The following WIPI2 variants were observed in gnomAD, a reference collection of about 807,000 sequenced individuals.
WIPI2 encodes the protein WD repeat domain, phosphoinositide interacting 2.
A neutral mutation model predicts 52.3 loss-of-function variants in WIPI2; 28 were observed. That is an observed-to-expected ratio of 0.54 (90% CI 0.40 to 0.73). WIPI2 has a LOEUF of 0.73. Among genes scored for constraint, WIPI2 ranks in the 30% least tolerant of loss-of-function variants. WIPI2 has a pLI of 0.00. For missense variants in WIPI2, 506 were observed against 602.9 expected (o/e 0.84, Z 1.68); for synonymous variants, 268 against 245.0 (o/e 1.09, Z -0.88).
chr7:5,199,373 T>C (rs1391046821), intron 2 of WIPI2, among the ~76,000 whole-genome samples: 7 of 152,192 alleles, frequency 4.6e-5, no homozygotes, highest in Admixed American at 2.6e-4. Context: ...TAAGTAATAA[T>C]ATTGTCTGTA....
chr7:5,222,663 G>T lies in WIPI2; in HGVS notation c.731G>T (p.Gly244Val). Residue 244 changes from glycine to valine, a missense_variant, in exon 8 of 13, where the codon GGA (glycine) becomes GTA (valine). Coordinates refer to ENST00000288828, the MANE Select transcript of WIPI2 (RefSeq NM_015610.4). Reference sequence around the variant, plus strand: ...CAAAAACTCTTTGAGTTTCGGAGAGGAGTAAAGAGGTAAAGTACGTGAATG... The same window carrying T: ...CAAAAACTCTTTGAGTTTCGGAGAGTAGTAAAGAGGTAAAGTACGTGAATG... Reference protein sequence around the residue: ...EGQKLFEFRRGVKRCVSICSL... With the variant: ...EGQKLFEFRRVVKRCVSICSL... 1 of 1,613,936 alleles carries T rather than the reference G, an allele frequency of 6.2e-7. No homozygotes were observed. Among genetic ancestry groups the T allele is most frequent in the Non-Finnish European group, 8.5e-7 (1 of 1,179,860 alleles).
intron 1 of WIPI2, 136 bp downstream of exon 1, chr7:5,190,629 A>C: frequency 1.1e-6 from 1 of 877,742 alleles, no homozygotes; most frequent in Non-Finnish European, 1.5e-6. Flanking sequence ...AGGCGTCCCC[A>C]GGGGCGGGCC....
chr7:5,223,099 G>A (rs1186827803), intron 8 of WIPI2, among the ~76,000 whole-genome samples: 2 of 152,176 alleles, frequency 1.3e-5, no homozygotes, highest in East Asian at 1.9e-4. Flanking sequence ...CCCAGAAGCC[G>A]CAGCCTGGAG....
chr7:5,199,127 C>A (rs914986883), intron 2 of WIPI2, among the ~76,000 whole-genome samples: 13 of 152,156 alleles, frequency 8.5e-5, no homozygotes, highest in Admixed American at 7.2e-4. Context: ...GTCCTGGGCT[C>A]AAGCAATCCT....
intron 3 of WIPI2, among the ~76,000 whole-genome samples, chr7:5,201,661 A>G (rs1332378417): frequency 6.6e-6 from 1 of 152,188 alleles, no homozygotes; most frequent in Admixed American, 6.5e-5. Flanking sequence ...CACGAGAATC[A>G]CTTGAACCCA....
chr7:5,206,749 C>G (rs892908773), intron 3 of WIPI2, among the ~76,000 whole-genome samples: 1 of 152,168 alleles, frequency 6.6e-6, no homozygotes, highest in African/African-American at 2.4e-5. Flanking sequence ...CACACACACA[C>G]AGACACCATC....
chr7:5,225,196 A>G (rs931754562), intron 8 of WIPI2, among the ~76,000 whole-genome samples: 2 of 151,256 alleles, frequency 1.3e-5, no homozygotes, highest in African/African-American at 2.4e-5. Context: ...GCTGGAGTGC[A>G]GTGGTGCGAT....
At position 5,230,762 on chromosome 7, in the gene WIPI2, GTCC is replaced by G; in HGVS notation, c.1253-70_1253-68del. ...TATACACCAGTGTTTCCAAAACACA[GTCC>G]TCAGTGTGTGTCATGGGGTCTGTGG... On this transcript the variant is annotated intron_variant, in intron 12 of 12. Transcript: ENST00000288828. The surrounding 1 kb of genome is among the most constrained non-coding windows in gnomAD (Gnocchi z 4.8). The G allele has an allele frequency of 8.9e-7, 1 of 1,128,190 alleles. No homozygotes were observed. The highest frequency in any genetic ancestry group is 1.3e-6 in the Non-Finnish European group (1 of 788,678). The allele number at this position is 1,128,190 out of a possible 1,614,324, so 69.9% of individuals were successfully genotyped here. A position where few individuals can be genotyped will look rare whatever the true frequency, so the allele number is the denominator to read the frequency against.
chr7:5,196,763 C>T (rs993400022), intron 2 of WIPI2, among the ~76,000 whole-genome samples: 1 of 151,852 alleles, frequency 6.6e-6, no homozygotes, highest in Admixed American at 6.6e-5. Flanking sequence ...AGGATGGTCA[C>T]GAGGAAAAGT....
chr7:5,203,870 G>A (rs879502398), intron 3 of WIPI2, among the ~76,000 whole-genome samples: 16 of 151,826 alleles, frequency 1.1e-4, no homozygotes, highest in Non-Finnish European at 1.6e-4. Context: ...TGATCCACCC[G>A]CCTCAGCCTC....
intron 11 of WIPI2, among the ~76,000 whole-genome samples, chr7:5,228,723 C>T (rs373444541): frequency 4.6e-5 from 7 of 152,158 alleles, no homozygotes; most frequent in African/African-American, 1.7e-4. Flanking sequence ...TCAAAAAGTT[C>T]TAACAACATA....
chr7:5,197,762 A>C (rs1177920869), intron 2 of WIPI2, among the ~76,000 whole-genome samples: 1 of 152,192 alleles, frequency 6.6e-6, no homozygotes, highest in Admixed American at 6.5e-5. Flanking sequence ...ACAAATACTT[A>C]GTGTGAAATG....
chr7:5,210,068 C>G (rs942761517), intron 3 of WIPI2, among the ~76,000 whole-genome samples: 1 of 151,834 alleles, frequency 6.6e-6, no homozygotes, highest in Admixed American at 6.6e-5. Flanking sequence ...CCGCGATGCC[C>G]GGCTCATTTT....
At chr7:5,225,432 T>C (rs1783381942) in intron 8 of WIPI2, among the ~76,000 whole-genome samples, 1 of 152,160 alleles carries the variant, frequency 6.6e-6, no homozygotes, top group Non-Finnish European at 1.5e-5. Flanking sequence ...TGAGCCACCG[T>C]GCCCGGCCCT....
intron 7 of WIPI2, chr7:5,218,802 C>T (rs1782949900): frequency 6.6e-6 from 1 of 152,184 alleles, no homozygotes; most frequent in African/African-American, 2.4e-5. Context: ...CTTTTCGTTT[C>T]AGTTCCTCTT....
rs759347895 is a variant in WIPI2 at position 5,216,544 on chromosome 7, C to T, written c.382-19C>T. On this transcript the variant is annotated intron_variant, in intron 4 of 12. Transcript: ENST00000288828. ...CTGGCCGTTGCTTCACGTTTGGTTT[C>T]GTTTTGTCTCTCGCCTAGAGGCTGA... 20 of 1,612,266 alleles carry T rather than the reference C, an allele frequency of 1.2e-5. No individual in the cohort carries two copies. In the Admixed American group the frequency reaches 1.3e-4, roughly 11 times the overall value.
At chr7:5,199,068 G>A (rs1400631597) in intron 2 of WIPI2, among the ~76,000 whole-genome samples, 2 of 152,162 alleles carry the variant, frequency 1.3e-5, no homozygotes, top group Non-Finnish European at 2.9e-5. Context: ...CTCCCAGGCT[G>A]GAGTGCAGTA....
intron 5 of WIPI2, 166 bp from the exon 6 acceptor site, chr7:5,216,924 G>A (rs560981549): frequency 2.6e-5 from 20 of 763,872 alleles, no homozygotes; most frequent in African/African-American, 1.2e-4. Flanking sequence ...ATCACCTAAG[G>A]TGGGGATTTG....
chr7:5,220,258 T>C (rs376319117), intron 7 of WIPI2, among the ~76,000 whole-genome samples: 2 of 102,490 alleles, frequency 2.0e-5, no homozygotes, highest in Non-Finnish European at 4.2e-5. Flanking sequence ...TTTTTTTTTT[T>C]GAAACGGAGT....
Sources: allele counts gnomAD v4.1 joint callset (sites outside exome capture counted in the v4.1 genomes callset), GRCh38; gene constraint gnomAD v4.1.1; non-coding constraint Gnocchi (gnomAD v3.1); transcripts MANE v1.5; gene names NCBI Gene and HGNC (gene_info 2026-07-23, HGNC 2026-07-21).